Variants in SLC9A9 observed in about 807,000 individuals in gnomAD.
The protein encoded by SLC9A9 is solute carrier family 9 member A9.
Under a neutral mutation model 77.8 loss-of-function variants are expected in SLC9A9, and 62 were observed. The ratio of observed to expected loss-of-function variants is 0.80; its 90% confidence interval spans 0.65 to 0.98. The LOEUF (loss-of-function observed/expected upper bound fraction) is 0.98. Ranked by LOEUF, SLC9A9 falls within the 50% of genes least tolerant of loss-of-function variation. SLC9A9 has a pLI of 0.00. For missense variants in SLC9A9, 775 were observed against 774.9 expected (o/e 1.00, Z 0.00); for synonymous variants, 320 against 283.5 (o/e 1.13, Z -1.29).
chr3:143,758,252 A>G (rs1214253421), intron 4 of SLC9A9, among the ~76,000 whole-genome samples: 1 of 152,202 alleles, frequency 6.6e-6, no homozygotes, highest in Non-Finnish European at 1.5e-5. Context: ...TGTAGAACAG[A>G]TGTATTCTAA....
At chr3:143,425,920 G>A (rs1408572189) in intron 12 of SLC9A9, among the ~76,000 whole-genome samples, 1 of 151,774 alleles carries the variant, frequency 6.6e-6, no homozygotes, top group Non-Finnish European at 1.5e-5. Context: ...CCTTGACCCA[G>A]GGATCAATCC....
chr3:143,832,894 T>G (rs1415714666), intron 1 of SLC9A9, among the ~76,000 whole-genome samples: 7 of 152,034 alleles, frequency 4.6e-5, no homozygotes. Context: ...AACTCTAAAC[T>G]TCTTGCTGTG....
chr3:143,321,191 C>T (rs750972961), intron 14 of SLC9A9, among the ~76,000 whole-genome samples: 45 of 152,176 alleles, frequency 3.0e-4, no homozygotes, highest in Non-Finnish European at 5.9e-4. Flanking sequence ...AAACTAATGC[C>T]TGAAGGTTAT....
intron 4 of SLC9A9, among the ~76,000 whole-genome samples, chr3:143,794,389 A>G (rs1026126778): frequency 6.6e-6 from 1 of 151,920 alleles, no homozygotes; most frequent in Non-Finnish European, 1.5e-5. Flanking sequence ...GATTGCCTTC[A>G]CCATTTGGTA....
intron 4 of SLC9A9, among the ~76,000 whole-genome samples, chr3:143,759,944 G>A (rs2007060569): frequency 6.6e-6 from 1 of 151,994 alleles, no homozygotes; most frequent in Non-Finnish European, 1.5e-5. Flanking sequence ...CTGAAAGTTG[G>A]ATCTCCGCAC....
At chr3:143,307,569 T>C (rs2030844173) in intron 14 of SLC9A9, among the ~76,000 whole-genome samples, 1 of 152,232 alleles carries the variant, frequency 6.6e-6, no homozygotes, top group Non-Finnish European at 1.5e-5. Flanking sequence ...CTCTGCCTAT[T>C]GCTTTCTGCT....
intron 5 of SLC9A9, among the ~76,000 whole-genome samples, chr3:143,668,078 A>T (rs1431797136): frequency 6.6e-6 from 1 of 152,074 alleles, no homozygotes; most frequent in Non-Finnish European, 1.5e-5. Context: ...CTTGGAACCA[A>T]CCCAAATGTC....
chr3:143,313,453 G>A (rs1037586077), intron 14 of SLC9A9: 17 of 152,192 alleles, frequency 1.1e-4, no homozygotes, highest in African/African-American at 3.6e-4. Flanking sequence ...AGTCATCTAA[G>A]TTACAGCCCT....
intron 1 of SLC9A9, among the ~76,000 whole-genome samples, chr3:143,843,572 T>C (rs895923880): frequency 6.6e-6 from 1 of 152,192 alleles, no homozygotes; most frequent in Admixed American, 6.5e-5. Context: ...CCACAATTTT[T>C]ACATGAATTC....
chr3:143,303,464 T>A (rs1367976573), intron 14 of SLC9A9, among the ~76,000 whole-genome samples: 1 of 151,876 alleles, frequency 6.6e-6, no homozygotes, highest in Non-Finnish European at 1.5e-5. Flanking sequence ...TGAAACAGCA[T>A]GCTATCCAAT....
At chr3:143,409,355 A>G (rs1187296198) in intron 12 of SLC9A9, among the ~76,000 whole-genome samples, 2 of 152,236 alleles carry the variant, frequency 1.3e-5, no homozygotes. Context: ...ACACAGCAAG[A>G]AGGAGTAACT....
intron 6 of SLC9A9, among the ~76,000 whole-genome samples, chr3:143,625,061 T>C (rs1185923492): frequency 6.6e-6 from 1 of 152,164 alleles, no homozygotes; most frequent in Non-Finnish European, 1.5e-5. Context: ...TTACAAGGGA[T>C]GTGAAGGACC....
At chr3:143,381,895 A>G in intron 13 of SLC9A9, 165 bp downstream of exon 13, 3 of 804,976 alleles carry the variant, frequency 3.7e-6, no homozygotes, top group Admixed American at 3.8e-5. Flanking sequence ...GAAGTTATCA[A>G]CACCCTGAAT....
intron 5 of SLC9A9, among the ~76,000 whole-genome samples, chr3:143,654,854 C>T (rs542238960): frequency 2.0e-4 from 31 of 152,298 alleles, no homozygotes; most frequent in Admixed American, 1.6e-3. Flanking sequence ...AGACTCTACA[C>T]CTGTCTAACG....
Position 143,365,656 on chromosome 3 carries a change from G to T in SLC9A9, c.1525-2093C>A, listed in dbSNP as rs184432337. On this transcript the variant is annotated intron_variant, in intron 13 of 15. Coordinates refer to ENST00000316549, the MANE Select transcript of SLC9A9 (RefSeq NM_173653.4). ...CTTGTTATCTATAGTCAGAATTTAT[G>T]CATATTTCCTCAAGAAAGGAAACCA... 4.6e-5 allele frequency among the ~76,000 whole-genome samples: 7 copies of T among 152,236 alleles called. No homozygotes were observed. The East Asian group carries it at 1.2e-3, about 25-fold the overall frequency.
At chr3:143,805,836 C>G (rs190655466) in intron 2 of SLC9A9, among the ~76,000 whole-genome samples, 60 of 152,198 alleles carry the variant, frequency 3.9e-4, no homozygotes, top group African/African-American at 1.3e-3. Flanking sequence ...ACTCTCTTTT[C>G]GGACTCAGCC....
chr3:143,406,604 C>T (rs1041606895), intron 12 of SLC9A9, among the ~76,000 whole-genome samples: 22 of 152,026 alleles, frequency 1.4e-4, no homozygotes, highest in African/African-American at 5.3e-4. Flanking sequence ...CAGGTTTTTC[C>T]TGTATCTTAA....
intron 9 of SLC9A9, among the ~76,000 whole-genome samples, chr3:143,550,411 T>C (rs1324870376): frequency 6.6e-6 from 1 of 152,212 alleles, no homozygotes; most frequent in East Asian, 1.9e-4. Flanking sequence ...AACTTTGCAG[T>C]GATCTCCCAC....
intron 5 of SLC9A9, among the ~76,000 whole-genome samples, chr3:143,660,125 C>T (rs986247518): frequency 8.5e-5 from 13 of 152,150 alleles, no homozygotes; most frequent in Admixed American, 3.3e-4. Context: ...TTATCAGCAG[C>T]GTGAGAACAG....
Sources: gnomAD v4.1 joint callset for allele counts (sites outside exome capture counted in the v4.1 genomes callset) on GRCh38, gnomAD v4.1.1 for gene constraint, MANE v1.5 for transcripts, NCBI Gene and HGNC (gene_info 2026-07-23, HGNC 2026-07-21) for gene names.